Variants in HPSE2 observed in about 807,000 individuals in gnomAD.
The protein encoded by HPSE2 is heparanase 2 (inactive).
HPSE2 carries 38 observed loss-of-function variants against 60.5 expected under a neutral mutation model. The ratio of observed to expected loss-of-function variants is 0.63; its 90% confidence interval spans 0.48 to 0.82. The LOEUF is 0.82. HPSE2 is among the 40% of genes least tolerant of loss of function. The pLI, the probability that HPSE2 is intolerant of heterozygous loss-of-function variation, is 0.00. For missense variants in HPSE2, 713 were observed against 740.4 expected (o/e 0.96, Z 0.43); for synonymous variants, 295 against 293.2 (o/e 1.01, Z -0.06).
intron 3 of HPSE2, among the ~76,000 whole-genome samples, chr10:98,909,586 C>T (rs776647003): frequency 8.7e-5 from 13 of 149,762 alleles, no homozygotes; most frequent in Non-Finnish European, 1.5e-4. Context: ...GCCGAGATCG[C>T]GCCACTGCAC....
chr10:99,295,906 T>C, the HPSE2 span, among the ~76,000 whole-genome samples: 2 of 152,202 alleles, frequency 1.3e-5, no homozygotes, highest in Non-Finnish European at 2.9e-5. Context: ...CAGTCTGAAG[T>C]ACAGGCCAGC....
intron 9 of HPSE2, among the ~76,000 whole-genome samples, chr10:98,557,063 A>G (rs1944031252): frequency 6.6e-6 from 1 of 152,042 alleles, no homozygotes; most frequent in South Asian, 2.1e-4. Context: ...TACAAAAAAA[A>G]TTAGCCGGGC....
At chr10:99,135,780 T>G (rs1222235775) in intron 3 of HPSE2, among the ~76,000 whole-genome samples, 1 of 152,062 alleles carries the variant, frequency 6.6e-6, no homozygotes, top group African/African-American at 2.4e-5. Flanking sequence ...ATTTAAATTC[T>G]TTTAATTTAA....
chr10:98,579,603 T>A (rs772368131), intron 9 of HPSE2, among the ~76,000 whole-genome samples: 2 of 152,192 alleles, frequency 1.3e-5, no homozygotes, highest in Admixed American at 6.5e-5. Context: ...CACTTCCTAA[T>A]TCTGTCAGCT....
At chr10:99,267,384 TCA>T in the HPSE2 span, among the ~76,000 whole-genome samples, 1 of 151,850 alleles carries the variant, frequency 6.6e-6, no homozygotes, top group African/African-American at 2.4e-5. Context: ...AGAAAGAACT[TCA>T]GAGCTCAAAG....
intron 3 of HPSE2, among the ~76,000 whole-genome samples, chr10:98,879,637 G>C (rs924772093): frequency 7.9e-5 from 12 of 151,968 alleles, no homozygotes; most frequent in Non-Finnish European, 1.6e-4. Context: ...CAGGCAGCCA[G>C]GAATGTAGAG....
intron 3 of HPSE2, among the ~76,000 whole-genome samples, chr10:98,914,705 A>C (rs893799084): frequency 6.6e-5 from 10 of 150,998 alleles, no homozygotes; most frequent in African/African-American, 2.4e-4. Context: ...TTAAAAAATA[A>C]AATTATAAAA....
intron 6 of HPSE2, among the ~76,000 whole-genome samples, chr10:98,660,683 A>C (rs186434673): frequency 1.3e-5 from 2 of 152,224 alleles, no homozygotes; most frequent in Admixed American, 1.3e-4. Context: ...GAAGTTTCAG[A>C]GTTTGAAGAT....
chr10:98,501,173 A>G (rs747109839), intron 9 of HPSE2, among the ~76,000 whole-genome samples: 2 of 152,128 alleles, frequency 1.3e-5, no homozygotes, highest in African/African-American at 2.4e-5. Flanking sequence ...AGAAAGAAGG[A>G]ACCCTCCCTA....
At chr10:98,646,781 T>G (rs1946780862) in intron 6 of HPSE2, among the ~76,000 whole-genome samples, 1 of 152,204 alleles carries the variant, frequency 6.6e-6, no homozygotes, top group African/African-American at 2.4e-5. Context: ...CCCTTTATTT[T>G]TATTACAAAA....
chr10:99,240,992 A>G, the HPSE2 span, among the ~76,000 whole-genome samples: 5 of 152,212 alleles, frequency 3.3e-5, no homozygotes, highest in African/African-American at 9.7e-5. Context: ...GATGACTAAT[A>G]TTTATTGAGA....
At chr10:98,842,290 G>T (rs1951932512) in intron 3 of HPSE2, among the ~76,000 whole-genome samples, 1 of 152,144 alleles carries the variant, frequency 6.6e-6, no homozygotes, top group South Asian at 2.1e-4. Context: ...GTCTTCAGAA[G>T]ATACTATCTT....
chr10:99,263,706 C>T, the HPSE2 span, among the ~76,000 whole-genome samples: 3 of 152,084 alleles, frequency 2.0e-5, no homozygotes, highest in Admixed American at 6.5e-5. Context: ...AATCCCTCTA[C>T]ACTCAACGCA....
At chr10:98,687,535 T>C (rs1947948483) in intron 6 of HPSE2, among the ~76,000 whole-genome samples, 1 of 152,212 alleles carries the variant, frequency 6.6e-6, no homozygotes, top group South Asian at 2.1e-4. Flanking sequence ...ATCTGCAACC[T>C]TAATTCCCCT....
intron 2 of HPSE2, among the ~76,000 whole-genome samples, chr10:99,163,839 G>A (rs766959573): frequency 6.6e-6 from 1 of 151,260 alleles, no homozygotes; most frequent in Non-Finnish European, 1.5e-5. Context: ...CCTCAATTTG[G>A]GCTGACAGAA....
intron 2 of HPSE2, among the ~76,000 whole-genome samples, chr10:99,174,633 T>C (rs922405279): frequency 3.9e-5 from 6 of 152,346 alleles, no homozygotes; most frequent in South Asian, 2.1e-4. Context: ...TTTGTACTTA[T>C]GGAACTACTA....
At chr10:98,752,106 A>G (rs1229647671) in intron 3 of HPSE2, among the ~76,000 whole-genome samples, 1 of 152,162 alleles carries the variant, frequency 6.6e-6, no homozygotes, top group East Asian at 1.9e-4. Context: ...ATTTGGTTGT[A>G]GTGAGACAAA....
At chr10:98,795,696 G>A (rs1950764676) in intron 3 of HPSE2, among the ~76,000 whole-genome samples, 1 of 152,194 alleles carries the variant, frequency 6.6e-6, no homozygotes, top group Non-Finnish European at 1.5e-5. Flanking sequence ...ACCAGCCAGG[G>A]TGGCTAAGGG....
chr10:98,572,332 TTGA>T (rs1380294954), intron 9 of HPSE2, among the ~76,000 whole-genome samples: 1 of 152,234 alleles, frequency 6.6e-6, no homozygotes, highest in Non-Finnish European at 1.5e-5. Flanking sequence ...GATACTATAA[TTGA>T]TGATTTATTT....
Sources: gnomAD v4.1 joint callset for allele counts (sites outside exome capture counted in the v4.1 genomes callset) on GRCh38, gnomAD v4.1.1 for gene constraint, MANE v1.5 for transcripts, NCBI Gene and HGNC (gene_info 2026-07-23, HGNC 2026-07-21) for gene names.